The following PTPN13 variants were observed in gnomAD, a reference collection of about 807,000 sequenced individuals.
PTPN13 encodes the protein protein tyrosine phosphatase non-receptor type 13.
PTPN13 carries 191 observed loss-of-function variants against 284.0 expected under a neutral mutation model. That is an observed-to-expected ratio of 0.67 (90% CI 0.60 to 0.76). PTPN13 has a LOEUF of 0.76. PTPN13 is among the 30% of genes least tolerant of loss of function. The probability of loss-of-function intolerance (pLI) is 0.00; values close to 1 mark genes in which losing one functional copy is unlikely to be tolerated. For missense variants in PTPN13, 2,797 were observed against 2,939.9 expected, an observed-to-expected ratio of 0.95 and a Z score of 1.12; for synonymous variants, 986 against 1,022.3, an observed-to-expected ratio of 0.96 and a Z score of 0.68.
intron 44 of PTPN13, among the ~76,000 whole-genome samples, chr4:86,806,884 C>T (rs945895800): frequency 6.6e-6 from 1 of 152,072 alleles, no homozygotes; most frequent in African/African-American, 2.4e-5. Flanking sequence ...TGAATGATAG[C>T]TTGTACATAC....
chr4:86,810,295 A>G (rs1745085358), intron 46 of PTPN13, among the ~76,000 whole-genome samples: 1 of 152,148 alleles, frequency 6.6e-6, no homozygotes, highest in African/African-American at 2.4e-5. Flanking sequence ...CTTGTATAAG[A>G]TAGTATTGTT....
In PTPN13 at chr4:86,741,703, G is replaced by A; in HGVS notation, c.2374G>A (p.Gly792Arg). The A allele has an allele frequency of 6.2e-7, 1 of 1,613,664 alleles. No individual in the cohort carries two copies. The highest frequency in any genetic ancestry group is 8.5e-7 in the Non-Finnish European group (1 of 1,179,748). The change falls in exon 16 of 48, where the codon GGA (glycine) becomes AGA (arginine). Residue 792 changes from glycine (G) to arginine (R), a missense_variant. Transcript: ENST00000411767. ...GCACCCTGAGAAGAAGTCACAAACA[G>A]GAATATTGCTTGGAGTCTGTTCTAA... The part of the protein sequence containing the change: ...RVHPEKKSQT[G>R]ILLGVCSKGV...
intron 40 of PTPN13, among the ~76,000 whole-genome samples, chr4:86,788,017 G>C (rs1030499136): frequency 6.6e-6 from 1 of 152,146 alleles, no homozygotes; most frequent in Admixed American, 6.5e-5. Context: ...ATAAATTAGT[G>C]CTTCCTGAAT....
At chr4:86,622,161 T>C (rs766267540) in intron 1 of PTPN13, among the ~76,000 whole-genome samples, 1 of 152,186 alleles carries the variant, frequency 6.6e-6, no homozygotes, top group Non-Finnish European at 1.5e-5. Flanking sequence ...ATTAGTAAAA[T>C]TCTGTTACAT....
intron 2 of PTPN13, among the ~76,000 whole-genome samples, chr4:86,660,204 T>A (rs1726321683): frequency 6.6e-6 from 1 of 152,158 alleles, no homozygotes. Context: ...TAAGGGTCGA[T>A]CTGTTTATGA....
chr4:86,693,786 C>A (rs1015557730), intron 6 of PTPN13, 112 bp downstream of exon 6: 1 of 637,634 alleles, frequency 1.6e-6, no homozygotes, highest in Non-Finnish European at 2.5e-6. Flanking sequence ...ATGATTAGAA[C>A]GTAAACGTAC....
chr4:86,686,205 T>C (rs1729435196), intron 3 of PTPN13, among the ~76,000 whole-genome samples: 1 of 152,058 alleles, frequency 6.6e-6, no homozygotes, highest in Non-Finnish European at 1.5e-5. Context: ...CTACTTAAAA[T>C]AGAAAAATTA....
At chr4:86,750,417 C>T (rs1737245857) in intron 17 of PTPN13, 53 bp from the exon 18 acceptor site, 33 of 1,435,164 alleles carry the variant, frequency 2.3e-5, no homozygotes, top group Non-Finnish European at 3.0e-5. Context: ...TAATTATTCT[C>T]ATAAAAGTAC....
chr4:86,793,979 A>C (rs1404249027), intron 40 of PTPN13, among the ~76,000 whole-genome samples: 10 of 152,214 alleles, frequency 6.6e-5, no homozygotes, highest in African/African-American at 1.9e-4. Flanking sequence ...AGCTAGCAGA[A>C]GGCAAAAAAT....
chr4:86,655,864 C>T (rs1191851040), intron 2 of PTPN13, among the ~76,000 whole-genome samples: 1 of 152,240 alleles, frequency 6.6e-6, no homozygotes, highest in African/African-American at 2.4e-5. Flanking sequence ...TTCTCCCCAT[C>T]ACTTTCAGGT....
Position 86,762,955 on chromosome 4 carries a change from T to C in PTPN13, c.3782T>C (p.Val1261Ala). The C allele has an allele frequency of 6.2e-7, 1 of 1,613,672 alleles. No individual in the cohort carries two copies. The highest frequency in any genetic ancestry group is 8.5e-7 in the Non-Finnish European group (1 of 1,179,814). Residue 1261 changes from valine to alanine, a missense_variant, in exon 24 of 48, where the codon GTC (valine) becomes GCC (alanine). Val to Ala is a moderately conservative substitution (Grantham distance 64). Transcript: ENST00000411767. ...AGTGCCAGCTTGTCTCAAAGCCAGG[T>C]CAATGGTTTCTTTGCCAGCCATTTA... ...TESASLSQSQ[V>A]NGFFASHLGD...
intron 2 of PTPN13, among the ~76,000 whole-genome samples, chr4:86,644,100 C>G (rs987407900): frequency 4.0e-5 from 6 of 151,774 alleles, no homozygotes; most frequent in East Asian, 1.9e-4. Flanking sequence ...AATAGACAAC[C>G]CGAATTGTCC....
rs117135567 is a variant in PTPN13, at chr4:86,724,586, C to T, written c.1608+2152C>T. Among the ~76,000 whole-genome samples the T allele has an allele frequency of 2.5e-3, 382 of 152,180 alleles. 8 individuals are homozygous for T. In the East Asian group the frequency reaches 0.07, roughly 28 times the overall value. The stretch of plus-strand genomic sequence containing the variant: ...TGATTAGATAATTTGAACTACTGGT[C>T]ATTAAAAGACTACCTAGTATTTTTT... On this transcript the variant is annotated intron_variant, in intron 10 of 47. Transcript: ENST00000411767.
rs371425751 is a variant in PTPN13 at position 86,741,644 on chromosome 4, G to A, written c.2315G>A (p.Arg772Lys). 1.9e-5 allele frequency: 31 copies of A among 1,612,584 alleles called. No homozygotes were observed. The highest frequency in any genetic ancestry group is 2.5e-5 in the Non-Finnish European group (29 of 1,178,938). The change falls in exon 16 of 48, where the codon AGA (arginine) becomes AAA (lysine). Residue 772 changes from arginine to lysine, a missense_variant. By Grantham distance (26) the Arg-to-Lys change is conservative. Transcript: ENST00000411767. ...TELEFLKVCQ[R>K]LTEYGVHFHR... is the part of the protein sequence containing the mutation. ...GTATTATTCCAACAGGTCTGCCAAA[G>A]ACTGACAGAATATGGAGTTCATTTT...
Position 86,662,288 on chromosome 4 carries a change from G to A in PTPN13, c.116-10077G>A, listed in dbSNP as rs372307620. 2.6e-5 allele frequency among the ~76,000 whole-genome samples: 4 copies of A among 151,922 alleles called. No homozygotes were observed. In the East Asian group the frequency reaches 5.8e-4, roughly 22 times the overall value. ...AACATTTTTATAGCTGCTTTAATAG[G>A]GTGGTCAAATAAGATATGATTGTTA... On this transcript the variant is annotated intron_variant, in intron 2 of 47. Coordinates refer to ENST00000411767, the MANE Select transcript of PTPN13 (RefSeq NM_080683.3).
Position 86,732,736 on chromosome 4 carries a change from C to T in PTPN13, c.1828C>T (p.His610Tyr). 1 of 1,612,860 alleles carries T rather than the reference C, an allele frequency of 6.2e-7. No individual in the cohort carries two copies. Among genetic ancestry groups the T allele is most frequent in the Non-Finnish European group, 8.5e-7 (1 of 1,179,360 alleles). The change falls in exon 12 of 48, where the codon CAT becomes TAT. Residue 610 changes from histidine to tyrosine, a missense_variant. Coordinates refer to ENST00000411767, the MANE Select transcript of PTPN13 (RefSeq NM_080683.3). ...MVVAHIGLVE[H>Y]HLFALATLKD... ...TGTGGCACATATTGGCTTAGTAGAG[C>T]ATCATTTGTTTGCTTTAGCTACCCT...
At chr4:86,768,838 T>A (rs549603953) in intron 28 of PTPN13, among the ~76,000 whole-genome samples, 36 of 151,802 alleles carry the variant, frequency 2.4e-4, no homozygotes, top group African/African-American at 7.7e-4. Context: ...GCTTCCTGAG[T>A]AGCTGAGATT....
intron 1 of PTPN13, among the ~76,000 whole-genome samples, chr4:86,627,057 A>G (rs1382957009): frequency 2.0e-5 from 3 of 152,138 alleles, no homozygotes; most frequent in East Asian, 3.9e-4. Flanking sequence ...GTCACATGCT[A>G]TAACATGGAT....
chr4:86,784,337 A>G (rs1053582361), intron 37 of PTPN13, 128 bp from the exon 38 acceptor site: 1 of 616,910 alleles, frequency 1.6e-6, no homozygotes, highest in Non-Finnish European at 2.8e-6. Context: ...TCAAACACTG[A>G]TCTAAGGTGG....
Sources: allele counts gnomAD v4.1 joint callset (sites outside exome capture counted in the v4.1 genomes callset), GRCh38; gene constraint gnomAD v4.1.1; transcripts MANE v1.5; gene names NCBI Gene and HGNC (gene_info 2026-07-23, HGNC 2026-07-21).